Variants in RIMS2 observed in about 807,000 individuals in gnomAD.
The protein encoded by RIMS2 is regulating synaptic membrane exocytosis protein 2.
Under a neutral mutation model 174.4 loss-of-function variants are expected in RIMS2, and 59 were observed. The observed-to-expected ratio is 0.34, with a 90% confidence interval of 0.27 to 0.42. The LOEUF (loss-of-function observed/expected upper bound fraction) is 0.42, where lower values mean the gene tolerates loss of function less well. Ranked by LOEUF, RIMS2 falls within the 10% of genes least tolerant of loss-of-function variation. The probability of loss-of-function intolerance (pLI) is 1.00; values close to 1 mark genes in which losing one functional copy is unlikely to be tolerated. For synonymous variants in RIMS2, 606 were observed against 572.5 expected (o/e 1.06, Z -0.84); for missense variants, 1,620 against 1,666.3 (o/e 0.97, Z 0.48).
At chr8:103,880,544 G>C in intron 3 of RIMS2, 5 of 405,752 alleles carry the variant, frequency 1.2e-5, no homozygotes, top group Non-Finnish European at 2.2e-5. Context: ...AACAAGTAGA[G>C]ACTTTCAAAT....
At chr8:104,022,376 TTC>T (rs1463380903) in intron 19 of RIMS2, among the ~76,000 whole-genome samples, 1 of 145,052 alleles carries the variant, frequency 6.9e-6, no homozygotes, top group East Asian at 2.0e-4. Flanking sequence ...TGTGTCAGAT[TTC>T]TCTCTTTTTT....
chr8:103,899,352 T>C (rs1202347909), intron 4 of RIMS2, among the ~76,000 whole-genome samples: 1 of 151,874 alleles, frequency 6.6e-6, no homozygotes, highest in African/African-American at 2.4e-5. Flanking sequence ...TGTAAAAGTG[T>C]CCCTATTTCT....
At chr8:104,004,727 A>G (rs990112736) in intron 17 of RIMS2, among the ~76,000 whole-genome samples, 1 of 152,184 alleles carries the variant, frequency 6.6e-6, no homozygotes, top group Admixed American at 6.5e-5. Context: ...AGACAGAATG[A>G]TTGGAAGAAG....
chr8:104,154,734 T>C (rs1279088437), intron 19 of RIMS2, among the ~76,000 whole-genome samples: 1 of 152,198 alleles, frequency 6.6e-6, no homozygotes, highest in Admixed American at 6.5e-5. Flanking sequence ...TTTCATCTTG[T>C]AATAATTTAT....
chr8:104,148,688 C>G, intron 19 of RIMS2: 1 of 1,598,280 alleles, frequency 6.3e-7, no homozygotes, highest in Non-Finnish European at 8.5e-7. Flanking sequence ...TCAGTGGAGA[C>G]ATGTGCTCAC....
intron 3 of RIMS2, among the ~76,000 whole-genome samples, chr8:103,803,299 T>A (rs2098628011): frequency 6.6e-6 from 1 of 152,192 alleles, no homozygotes; most frequent in African/African-American, 2.4e-5. Flanking sequence ...CTGCTTATTC[T>A]GTTTAAAACT....
intron 2 of RIMS2, among the ~76,000 whole-genome samples, chr8:103,723,299 T>C (rs1181376280): frequency 2.0e-5 from 3 of 152,234 alleles, no homozygotes; most frequent in Non-Finnish European, 4.4e-5. Context: ...GGACTTGTAT[T>C]GGTGTGGGCA....
At chr8:104,165,767 T>C (rs909097676) in intron 19 of RIMS2, among the ~76,000 whole-genome samples, 3 of 152,166 alleles carry the variant, frequency 2.0e-5, no homozygotes, top group Admixed American at 1.3e-4. Flanking sequence ...CTTAAAATTT[T>C]AAATAGAATA....
Position 103,652,621 on chromosome 8 carries a change from C to A in RIMS2, c.177-44465C>A. 1 of 1,337,744 alleles carries A rather than the reference C, an allele frequency of 7.5e-7. No homozygotes were observed. The highest frequency in any genetic ancestry group is 1.1e-5 in the South Asian group (1 of 87,096). The allele number at this position is 1,337,744 out of a possible 1,614,324, so 82.9% of individuals were successfully genotyped here. A position where few individuals can be genotyped will look rare whatever the true frequency, so the allele number is the denominator to read the frequency against. On this transcript the variant is annotated intron_variant, in intron 1 of 23. Coordinates refer to ENST00000504942, the Ensembl canonical transcript of RIMS2. The stretch of plus-strand genomic sequence containing the variant: ...CAGTCACATTATTTGCTTATTTAAA[C>A]AGGTGGTTTCCCTTTAGTGGAATCA...
intron 14 of RIMS2, among the ~76,000 whole-genome samples, chr8:103,944,863 A>G (rs2083354674): frequency 6.6e-6 from 1 of 152,086 alleles, no homozygotes; most frequent in Admixed American, 6.6e-5. Flanking sequence ...CACATAAAAG[A>G]AAGAAACAAG....
At chr8:103,836,038 T>C (rs1488791440) in intron 3 of RIMS2, among the ~76,000 whole-genome samples, 1 of 152,156 alleles carries the variant, frequency 6.6e-6, no homozygotes, top group Non-Finnish European at 1.5e-5. Context: ...CTATCATACT[T>C]TTTCTTTACC....
intron 19 of RIMS2, 93 bp downstream of exon 22, chr8:104,041,451 A>G (rs2096607397): frequency 5.0e-6 from 3 of 598,974 alleles, no homozygotes; most frequent in South Asian, 2.0e-5. Context: ...ATAGTTTTTC[A>G]TTCCTTTGTA....
intron 3 of RIMS2, among the ~76,000 whole-genome samples, chr8:103,866,656 G>C (rs2099085890): frequency 6.6e-6 from 1 of 151,882 alleles, no homozygotes; most frequent in South Asian, 2.1e-4. Context: ...ATAAACTTTT[G>C]GATTAACGTT....
chr8:104,158,125 C>T (rs542234670), intron 19 of RIMS2, among the ~76,000 whole-genome samples: 58 of 152,234 alleles, frequency 3.8e-4, no homozygotes, highest in African/African-American at 1.3e-3. Flanking sequence ...TCAACTCCAA[C>T]TTATGAGTGA....
chr8:103,526,832 G>T (rs1482342674), intron 1 of RIMS2, among the ~76,000 whole-genome samples: 1 of 152,102 alleles, frequency 6.6e-6, no homozygotes, highest in Non-Finnish European at 1.5e-5. Flanking sequence ...GAGAGTGCAA[G>T]AGACCAAATA....
At chr8:104,049,596 C>T (rs1400271691) in intron 19 of RIMS2, among the ~76,000 whole-genome samples, 1 of 152,038 alleles carries the variant, frequency 6.6e-6, no homozygotes, top group African/African-American at 2.4e-5. Context: ...CCTAATTTCT[C>T]CAATCTCAGT....
At chr8:104,002,298 A>G (rs1335217032) in intron 17 of RIMS2, among the ~76,000 whole-genome samples, 1 of 151,884 alleles carries the variant, frequency 6.6e-6, no homozygotes, top group Non-Finnish European at 1.5e-5. Context: ...ATCTTTATTT[A>G]TCTACTTACA....
chr8:103,709,949 T>A (rs1048024285), intron 2 of RIMS2, among the ~76,000 whole-genome samples: 8 of 152,188 alleles, frequency 5.3e-5, no homozygotes, highest in African/African-American at 1.9e-4. Flanking sequence ...AAGGAAGACA[T>A]CCCTGGATTT....
intron 1 of RIMS2, among the ~76,000 whole-genome samples, chr8:103,513,503 G>C (rs1827559758): frequency 6.6e-6 from 1 of 152,190 alleles, no homozygotes. Context: ...GGTTAGGACA[G>C]TAGCCCCTAA....
Sources: allele counts gnomAD v4.1 joint callset (sites outside exome capture counted in the v4.1 genomes callset), GRCh38; gene constraint gnomAD v4.1.1; transcripts MANE v1.5; gene names NCBI Gene and HGNC (gene_info 2026-07-23, HGNC 2026-07-21).